The following CCDC149 variants were observed in gnomAD, a reference collection of about 807,000 sequenced individuals.
CCDC149 encodes coiled-coil domain-containing protein 149.
Under a neutral mutation model 59.9 loss-of-function variants are expected in CCDC149, and 45 were observed. The ratio of observed to expected loss-of-function variants is 0.75; its 90% CI spans 0.59 to 0.96. CCDC149 has a LOEUF of 0.96. Among genes scored for constraint, CCDC149 ranks in the 40% least tolerant of loss-of-function variants. The probability of loss-of-function intolerance (pLI) is 0.00; values close to 1 mark genes in which losing one functional copy is unlikely to be tolerated. For missense variants in CCDC149, 584 were observed against 664.7 expected (o/e 0.88, Z 1.33); for synonymous variants, 245 against 260.6 (o/e 0.94, Z 0.58).
intron 1 of CCDC149, among the ~76,000 whole-genome samples, chr4:24,904,460 A>G (rs1721358148): frequency 6.6e-6 from 1 of 152,212 alleles, no homozygotes; most frequent in African/African-American, 2.4e-5. Context: ...TTTAAAAAAG[A>G]AAGTTATTCG....
chr4:24,815,600 G>GT (rs1327437064), intron 12 of CCDC149, among the ~76,000 whole-genome samples: 2 of 152,068 alleles, frequency 1.3e-5, no homozygotes, highest in Non-Finnish European at 2.9e-5. Flanking sequence ...AACCTTACTC[G>GT]TAACAACCTA....
intron 1 of CCDC149, among the ~76,000 whole-genome samples, chr4:24,930,801 C>A (rs1308136813): frequency 6.6e-6 from 1 of 152,118 alleles, no homozygotes; most frequent in African/African-American, 2.4e-5. Context: ...AGTTAGAAAT[C>A]ATGATAAAAA....
intron 4 of CCDC149, 142 bp downstream of exon 4, chr4:24,852,930 A>T: frequency 1.6e-6 from 1 of 626,804 alleles, no homozygotes; most frequent in Non-Finnish European, 2.8e-6. Flanking sequence ...GATACGCTAA[A>T]CTGCGAATTT....
chr4:24,822,428 G>A (rs1362536724), intron 10 of CCDC149, 69 bp downstream of exon 10: 5 of 983,208 alleles, frequency 5.1e-6, no homozygotes, highest in East Asian at 2.8e-5. Context: ...TGTAAATTAC[G>A]TGGGAGCTTC....
At chr4:24,884,308 A>C (rs1720026741) in intron 1 of CCDC149, among the ~76,000 whole-genome samples, 2 of 152,256 alleles carry the variant, frequency 1.3e-5, no homozygotes, top group South Asian at 4.1e-4. Flanking sequence ...CAGTACAGGC[A>C]TATGCTGTAC....
At chr4:24,879,900 C>T (rs1719733005) in intron 1 of CCDC149, among the ~76,000 whole-genome samples, 1 of 152,164 alleles carries the variant, frequency 6.6e-6, no homozygotes, top group African/African-American at 2.4e-5. Flanking sequence ...TCAAGCTGCA[C>T]AGTCTCAAAA....
chr4:24,924,018 G>A (rs1015615836), intron 1 of CCDC149, among the ~76,000 whole-genome samples: 3 of 152,178 alleles, frequency 2.0e-5, no homozygotes, highest in Non-Finnish European at 4.4e-5. Flanking sequence ...GGGAAGGGAA[G>A]AGGTCCAGGC....
chr4:24,859,042 A>G (rs956826094), intron 3 of CCDC149, among the ~76,000 whole-genome samples: 1 of 152,182 alleles, frequency 6.6e-6, no homozygotes, highest in African/African-American at 2.4e-5. Flanking sequence ...ACTTATAAGA[A>G]CCAATGGGAG....
At chr4:24,980,022 G>A (rs955927111) in intron 1 of CCDC149, 1 of 152,180 alleles carries the variant, frequency 6.6e-6, no homozygotes, top group East Asian at 1.9e-4. Flanking sequence ...AAGTAATTGT[G>A]TCCATAAATA....
At chr4:24,977,714 A>T (rs1251652047) in intron 1 of CCDC149, among the ~76,000 whole-genome samples, 5 of 152,200 alleles carry the variant, frequency 3.3e-5, no homozygotes, top group Non-Finnish European at 5.9e-5. Context: ...GGCATTACCA[A>T]TACAGGGATG....
intron 1 of CCDC149, among the ~76,000 whole-genome samples, chr4:24,924,325 T>C (rs1203063076): frequency 6.6e-6 from 1 of 152,000 alleles, no homozygotes; most frequent in East Asian, 1.9e-4. Flanking sequence ...ATGAGGTCCA[T>C]GACTTTAGAT....
At chr4:24,840,341 G>C (rs1488627106) in intron 4 of CCDC149, among the ~76,000 whole-genome samples, 1 of 152,208 alleles carries the variant, frequency 6.6e-6, no homozygotes, top group African/African-American at 2.4e-5. Context: ...GGCTGCACTT[G>C]CTGGAATCTG....
At chr4:24,805,665 C>T (rs758946), downstream of CCDC149, among the ~76,000 whole-genome samples, 140,797 of 152,260 alleles carry the variant, frequency 0.92, 65,126 homozygotes, top group Admixed American at 0.94. Context: ...TAAGACATTG[C>T]CATGTGACAT....
At chr4:24,839,061 CAGAGAGAGAGAG>C (rs72068303) in intron 4 of CCDC149, among the ~76,000 whole-genome samples, 1 of 115,330 alleles carries the variant, frequency 8.7e-6, no homozygotes, top group African/African-American at 3.6e-5. Context: ...CACACACACA[CAGAGAGAGAGAG>C]AGAAAGAGAG....
At chr4:24,928,385 T>C (rs563293938) in intron 1 of CCDC149, among the ~76,000 whole-genome samples, 1 of 152,222 alleles carries the variant, frequency 6.6e-6, no homozygotes, top group Admixed American at 6.5e-5. Context: ...GGGTAGGGCA[T>C]TGTGAGGGAA....
intron 4 of CCDC149, among the ~76,000 whole-genome samples, chr4:24,844,403 A>G (rs918412401): frequency 6.6e-6 from 1 of 152,198 alleles, no homozygotes; most frequent in Non-Finnish European, 1.5e-5. Flanking sequence ...AGGTTGGCAC[A>G]TGGCTCTGAG....
intron 1 of CCDC149, among the ~76,000 whole-genome samples, chr4:24,927,095 A>G (rs903104171): frequency 1.3e-5 from 2 of 152,230 alleles, no homozygotes; most frequent in Non-Finnish European, 2.9e-5. Flanking sequence ...ATTTGAGGGA[A>G]GAGAACACAG....
intron 1 of CCDC149, among the ~76,000 whole-genome samples, chr4:24,964,501 T>A (rs987460429): frequency 2.0e-5 from 3 of 152,118 alleles, no homozygotes; most frequent in African/African-American, 7.2e-5. Flanking sequence ...GTCAATTAAG[T>A]TAGAAAATAT....
chr4:24,945,321 C>A (rs899203995), intron 1 of CCDC149, among the ~76,000 whole-genome samples: 1 of 152,156 alleles, frequency 6.6e-6, no homozygotes, highest in Non-Finnish European at 1.5e-5. Flanking sequence ...TCCAGTATGA[C>A]TGATGTCCTT....
Sources: allele counts gnomAD v4.1 joint callset (sites outside exome capture counted in the v4.1 genomes callset), GRCh38; gene constraint gnomAD v4.1.1; transcripts MANE v1.5; gene names NCBI Gene and HGNC (gene_info 2026-07-23, HGNC 2026-07-21).